NXPE2: variants seen among roughly 807,000 people sequenced by gnomAD.
The protein encoded by NXPE2 is NXPE family member 2.
Under a neutral mutation model 34.4 loss-of-function variants are expected in NXPE2, and 34 were observed. That is an observed-to-expected ratio of 0.99 (90% CI 0.75 to 1.31). The LOEUF is 1.31. Among genes scored for constraint, NXPE2 ranks in the 40% most tolerant of loss-of-function variants. The pLI is 0.00. For missense variants in NXPE2, 649 were observed against 672.5 expected (o/e 0.97, Z 0.39); for synonymous variants, 235 against 231.3 (o/e 1.02, Z -0.15).
chr11:114,581,525 C>A, the NXPE2 span, among the ~76,000 whole-genome samples: 1 of 152,174 alleles, frequency 6.6e-6, no homozygotes, highest in South Asian at 2.1e-4. Context: ...ATGAGAGTTA[C>A]AGTTACTAAA....
At chr11:114,537,653 C>A in the NXPE2 span, among the ~76,000 whole-genome samples, 297 of 152,096 alleles carry the variant, frequency 2.0e-3, no homozygotes, top group Non-Finnish European at 3.1e-3. Flanking sequence ...AAACAGAGAG[C>A]CAAATCATGA....
At chr11:114,570,370 G>C in the NXPE2 span, among the ~76,000 whole-genome samples, 1 of 152,156 alleles carries the variant, frequency 6.6e-6, no homozygotes. Context: ...GCTTTTACCT[G>C]TGTTATCCTA....
At chr11:114,677,860 T>C (rs1019845824), upstream of NXPE2, among the ~76,000 whole-genome samples, 1 of 152,050 alleles carries the variant, frequency 6.6e-6, no homozygotes, top group Non-Finnish European at 1.5e-5. Context: ...GTTATGGTGG[T>C]AGCAGGGCCA....
At chr11:114,696,913 G>C (rs569213821) in intron 2 of NXPE2, among the ~76,000 whole-genome samples, 1 of 152,066 alleles carries the variant, frequency 6.6e-6, no homozygotes, top group South Asian at 2.1e-4. Flanking sequence ...TTTTTTTCTT[G>C]TACATAAATA....
the NXPE2 span, among the ~76,000 whole-genome samples, chr11:114,477,215 A>T: frequency 1.3e-5 from 2 of 152,184 alleles, no homozygotes; most frequent in African/African-American, 2.4e-5. Context: ...GACTTGGAGC[A>T]AAACGAATGG....
chr11:114,540,069 C>G, the NXPE2 span, among the ~76,000 whole-genome samples: 13 of 152,222 alleles, frequency 8.5e-5, no homozygotes, highest in Admixed American at 6.5e-5. Context: ...GATTCTCCTG[C>G]CTCAGCCGCC....
At chr11:114,488,020 G>T in the NXPE2 span, among the ~76,000 whole-genome samples, 1 of 152,094 alleles carries the variant, frequency 6.6e-6, no homozygotes, top group Non-Finnish European at 1.5e-5. Flanking sequence ...AGCCTTCATA[G>T]AATGAGTTTG....
At chr11:114,679,827 T>G in intron 2 of NXPE2, 65 bp downstream of exon 2, 1 of 893,314 alleles carries the variant, frequency 1.1e-6, no homozygotes, top group Non-Finnish European at 1.8e-6. Flanking sequence ...ATGACCCCCT[T>G]TATCATGGCA....
chr11:114,745,543 A>T, the NXPE2 span, among the ~76,000 whole-genome samples: 1 of 152,236 alleles, frequency 6.6e-6, no homozygotes, highest in African/African-American at 2.4e-5. Flanking sequence ...ATGAGTCTTG[A>T]CAGAGCCAAA....
chr11:114,752,502 G>A, the NXPE2 span, among the ~76,000 whole-genome samples: 1 of 152,170 alleles, frequency 6.6e-6, no homozygotes, highest in South Asian at 2.1e-4. Flanking sequence ...GTGGAATCAG[G>A]GAGATCATTG....
At chr11:114,661,220 T>C in the NXPE2 span, among the ~76,000 whole-genome samples, 1 of 152,160 alleles carries the variant, frequency 6.6e-6, no homozygotes, top group Non-Finnish European at 1.5e-5. Flanking sequence ...CAAAATCCAG[T>C]AGGGTACTTT....
At chr11:114,477,901 T>C in the NXPE2 span, among the ~76,000 whole-genome samples, 75 of 152,282 alleles carry the variant, frequency 4.9e-4, 1 homozygote, top group East Asian at 0.014. Flanking sequence ...AAGTTCTTGA[T>C]AAGTAAAGTA....
At chr11:114,501,819 C>G in the NXPE2 span, among the ~76,000 whole-genome samples, 1 of 152,132 alleles carries the variant, frequency 6.6e-6, no homozygotes, top group African/African-American at 2.4e-5. Context: ...AATGCTGGTA[C>G]TTTTTCCTGA....
chr11:114,617,810 A>G, the NXPE2 span, among the ~76,000 whole-genome samples: 24 of 152,084 alleles, frequency 1.6e-4, no homozygotes, highest in Non-Finnish European at 2.9e-4. Context: ...CCGATGGATA[A>G]TAAGTGTTGC....
chr11:114,595,186 A>C, the NXPE2 span, among the ~76,000 whole-genome samples: 5 of 152,164 alleles, frequency 3.3e-5, no homozygotes, highest in South Asian at 1.0e-3. Context: ...GTGCCTGTTG[A>C]ATGCAAATTA....
At chr11:114,799,758 A>G in the NXPE2 span, among the ~76,000 whole-genome samples, 1 of 152,264 alleles carries the variant, frequency 6.6e-6, no homozygotes, top group Non-Finnish European at 1.5e-5. Flanking sequence ...CTGCAGCCAG[A>G]GGGAGCATCT....
chr11:114,588,159 G>A, the NXPE2 span, among the ~76,000 whole-genome samples: 1 of 152,142 alleles, frequency 6.6e-6, no homozygotes, highest in Non-Finnish European at 1.5e-5. Context: ...CAGCTATTGA[G>A]TGTCCAGGCC....
the NXPE2 span, among the ~76,000 whole-genome samples, chr11:114,562,989 C>G: frequency 6.6e-6 from 1 of 152,036 alleles, no homozygotes; most frequent in African/African-American, 2.4e-5. Flanking sequence ...AGAAAAAAAC[C>G]AACAACTCTA....
At chr11:114,549,898 A>T in the NXPE2 span, among the ~76,000 whole-genome samples, 1 of 150,098 alleles carries the variant, frequency 6.7e-6, no homozygotes. Context: ...AATAATATAT[A>T]AAAAAATAGC....
Sources: allele counts gnomAD v4.1 joint callset (sites outside exome capture counted in the v4.1 genomes callset), GRCh38; gene constraint gnomAD v4.1.1; transcripts MANE v1.5; gene names NCBI Gene and HGNC (gene_info 2026-07-23, HGNC 2026-07-21).